Variants in DLGAP2 observed in about 807,000 individuals in gnomAD.
The protein encoded by DLGAP2 is DLG associated protein 2, also known as disks large-associated protein 2.
Under a neutral mutation model 100.3 loss-of-function variants are expected in DLGAP2, and 26 were observed. The observed-to-expected ratio is 0.26, with a 90% CI of 0.19 to 0.36. The LOEUF (loss-of-function observed/expected upper bound fraction) is 0.36, where lower values mean the gene tolerates loss of function less well. Ranked by LOEUF, DLGAP2 falls within the 10% of genes least tolerant of loss-of-function variation. The pLI is 1.00. For missense variants in DLGAP2, 1,858 were observed against 1,453.2 expected (o/e 1.28, Z -4.53); for synonymous variants, 886 against 630.1 (o/e 1.41, Z -6.08).
intron 2 of DLGAP2, among the ~76,000 whole-genome samples, chr8:1,120,835 C>T (rs545922532): frequency 6.6e-6 from 1 of 152,184 alleles, no homozygotes; most frequent in South Asian, 2.1e-4. Context: ...AGTTAGAACC[C>T]ATGACCACCC....
chr8:1,075,373 G>A (rs1416321327), intron 2 of DLGAP2, among the ~76,000 whole-genome samples: 1 of 152,142 alleles, frequency 6.6e-6, no homozygotes, highest in Admixed American at 6.5e-5. Context: ...GAGAACCGCG[G>A]CTGGGTGTTC....
At chr8:1,487,976 C>T (rs962080350) in intron 3 of DLGAP2, among the ~76,000 whole-genome samples, 1 of 152,232 alleles carries the variant, frequency 6.6e-6, no homozygotes, top group Non-Finnish European at 1.5e-5. Flanking sequence ...GAAATCATAC[C>T]TGTGGAAATC....
chr8:1,572,342 TTCTGG>T (rs1802754095), intron 6 of DLGAP2, among the ~76,000 whole-genome samples: 2 of 125,486 alleles, frequency 1.6e-5, no homozygotes, highest in African/African-American at 3.1e-5. Context: ...TGGGGGCGTC[TTCTGG>T]GATGGAGAGG....
At chr8:1,263,870 C>T (rs1347727030) in intron 3 of DLGAP2, among the ~76,000 whole-genome samples, 1 of 152,120 alleles carries the variant, frequency 6.6e-6, no homozygotes, top group Non-Finnish European at 1.5e-5. Context: ...ATGATCTTTT[C>T]TGATTGCTAT....
intron 3 of DLGAP2, among the ~76,000 whole-genome samples, chr8:1,458,138 C>T (rs1798373785): frequency 6.6e-6 from 1 of 151,140 alleles, no homozygotes; most frequent in African/African-American, 2.4e-5. Context: ...GATCTCCTGA[C>T]CTCGTGATCC....
intron 2 of DLGAP2, among the ~76,000 whole-genome samples, chr8:1,185,296 A>C (rs944635786): frequency 4.6e-5 from 7 of 152,066 alleles, no homozygotes; most frequent in African/African-American, 1.4e-4. Context: ...CTGTGGTGCA[A>C]TGGACATAAG....
At chr8:1,032,698 T>G (rs530261875) in intron 2 of DLGAP2, 1 of 152,350 alleles carries the variant, frequency 6.6e-6, no homozygotes, top group South Asian at 2.1e-4. Context: ...TTAAGCATTT[T>G]GGCTTCTGTT....
intron 6 of DLGAP2, among the ~76,000 whole-genome samples, chr8:1,589,414 T>C (rs1454435426): frequency 2.0e-5 from 3 of 152,206 alleles, no homozygotes; most frequent in Non-Finnish European, 4.4e-5. Context: ...ACTTATTCCT[T>C]GCATGTTGCC....
chr8:1,213,405 A>G (rs894310808), intron 2 of DLGAP2, among the ~76,000 whole-genome samples: 6 of 152,172 alleles, frequency 3.9e-5, no homozygotes, highest in African/African-American at 1.4e-4. Context: ...CTATTAATTT[A>G]TGGCAATAAA....
chr8:1,026,923 G>T (rs1801817603), intron 2 of DLGAP2, among the ~76,000 whole-genome samples: 1 of 152,230 alleles, frequency 6.6e-6, no homozygotes, highest in African/African-American at 2.4e-5. Flanking sequence ...TTGGGAATAT[G>T]TATCTTTTTA....
chr8:990,244 T>C (rs1445100119), intron 2 of DLGAP2, among the ~76,000 whole-genome samples: 1 of 151,990 alleles, frequency 6.6e-6, no homozygotes, highest in Non-Finnish European at 1.5e-5. Context: ...GATGTTGCCA[T>C]GTGGGTGCCC....
intron 3 of DLGAP2, among the ~76,000 whole-genome samples, chr8:1,344,341 C>G (rs1050843059): frequency 6.6e-6 from 1 of 152,182 alleles, no homozygotes; most frequent in Non-Finnish European, 1.5e-5. Flanking sequence ...CTGCATTGCC[C>G]TCACACCTCG....
chr8:1,045,583 C>G (rs1212450413), intron 2 of DLGAP2, among the ~76,000 whole-genome samples: 1 of 152,312 alleles, frequency 6.6e-6, no homozygotes, highest in East Asian at 1.9e-4. Flanking sequence ...GCATCAGTCT[C>G]TTGACTTACT....
At chr8:1,310,667 T>C (rs1191272871) in intron 3 of DLGAP2, among the ~76,000 whole-genome samples, 1 of 152,200 alleles carries the variant, frequency 6.6e-6, no homozygotes, top group Non-Finnish European at 1.5e-5. Flanking sequence ...TTTTTGTTTT[T>C]TGTTTTTTGA....
At chr8:1,244,742 C>T (rs1798868817) in intron 2 of DLGAP2, among the ~76,000 whole-genome samples, 1 of 152,230 alleles carries the variant, frequency 6.6e-6, no homozygotes, top group South Asian at 2.1e-4. Flanking sequence ...ACACCCAAAG[C>T]GCAAAGCACA....
chr8:1,425,749 A>T (rs1177944331), intron 3 of DLGAP2, among the ~76,000 whole-genome samples: 1 of 152,182 alleles, frequency 6.6e-6, no homozygotes, highest in Non-Finnish European at 1.5e-5. Flanking sequence ...ACGTCTGTGC[A>T]CCATTAAAAA....
intron 1 of DLGAP2, among the ~76,000 whole-genome samples, chr8:780,366 C>G (rs1821651232): frequency 6.6e-6 from 1 of 152,170 alleles, no homozygotes; most frequent in Non-Finnish European, 1.5e-5. Context: ...GTGCACACAC[C>G]ACGTTTTCCT....
At chr8:1,463,534 G>T (rs944280929) in intron 3 of DLGAP2, among the ~76,000 whole-genome samples, 1 of 152,226 alleles carries the variant, frequency 6.6e-6, no homozygotes, top group African/African-American at 2.4e-5. Flanking sequence ...TTCCCAGGAC[G>T]CTCCTGCCCC....
intron 1 of DLGAP2, among the ~76,000 whole-genome samples, chr8:770,351 G>T (rs1299162804): frequency 6.6e-6 from 1 of 152,200 alleles, no homozygotes; most frequent in Non-Finnish European, 1.5e-5. Context: ...GGGGAGCACA[G>T]TGCCCTTCTG....
Sources: allele counts gnomAD v4.1 joint callset (sites outside exome capture counted in the v4.1 genomes callset), GRCh38; gene constraint gnomAD v4.1.1; transcripts MANE v1.5; gene names NCBI Gene and HGNC (gene_info 2026-07-23, HGNC 2026-07-21).